The following DCAF5 variants were observed in gnomAD, a reference collection of about 807,000 sequenced individuals.
The protein encoded by DCAF5 is DDB1- and CUL4-associated factor 5.
A neutral mutation model predicts 80.7 loss-of-function variants in DCAF5; 9 were observed. The observed-to-expected ratio is 0.11, with a 90% CI of 0.07 to 0.19. The LOEUF (loss-of-function observed/expected upper bound fraction) is 0.19. Ranked by LOEUF, DCAF5 falls within the 10% of genes least tolerant of loss-of-function variation. The pLI is 1.00. For synonymous variants in DCAF5, 433 were observed against 461.9 expected (o/e 0.94, Z 0.80); for missense variants, 842 against 1,205.7 (o/e 0.70, Z 4.47).
intron 2 of DCAF5, among the ~76,000 whole-genome samples, 200 bp from the exon 3 acceptor site, chr14:69,119,430 T>C (rs1267862491): frequency 1.3e-5 from 2 of 151,524 alleles, no homozygotes; most frequent in Non-Finnish European, 2.9e-5. Flanking sequence ...TTTTAAAAAA[T>C]AATGGCATCC....
intron 5 of DCAF5, among the ~76,000 whole-genome samples, chr14:69,108,832 A>G (rs1274145662): frequency 6.6e-6 from 1 of 152,132 alleles, no homozygotes; most frequent in Non-Finnish European, 1.5e-5. Context: ...TGACGAGCAA[A>G]ATCCCAGTTA....
In DCAF5 at chr14:69,053,208, T is replaced by A. The variant is rs896599938; in HGVS notation, c.*649A>T. The A allele has an allele frequency of 2.0e-5, 3 of 152,262 alleles. No homozygotes were observed. Among genetic ancestry groups the A allele is most frequent in the Non-Finnish European group, 4.4e-5 (3 of 68,042 alleles). The allele number at this position is 152,262 out of a possible 1,614,324, so 9.4% of individuals were successfully genotyped here. A position where few individuals can be genotyped will look rare whatever the true frequency, so the allele number is the denominator to read the frequency against. On this transcript the variant is annotated 3_prime_UTR_variant, in exon 9 of 9. Transcript: ENST00000341516. The stretch of plus-strand genomic sequence containing the variant: ...ACCTCTCATTAGCATTAAAAATTCT[T>A]TTTTATAGTATGTCCACATTAAATG...
chr14:69,146,567 C>T (rs1158992093), intron 1 of DCAF5, among the ~76,000 whole-genome samples: 1 of 151,644 alleles, frequency 6.6e-6, no homozygotes, highest in African/African-American at 2.4e-5. Flanking sequence ...TATAGCAAAC[C>T]AGAGGAAAAA....
chr14:69,115,461 A>G (rs527671094), intron 5 of DCAF5, among the ~76,000 whole-genome samples: 28 of 152,226 alleles, frequency 1.8e-4, no homozygotes, highest in South Asian at 8.3e-4. Context: ...CGTGAAATAA[A>G]TTATAACATC....
chr14:69,099,035 G>A (rs988318958), intron 5 of DCAF5, among the ~76,000 whole-genome samples: 4 of 151,758 alleles, frequency 2.6e-5, no homozygotes, highest in Admixed American at 1.3e-4. Flanking sequence ...GGCAGATCAC[G>A]AGGTCAAGAG....
intron 5 of DCAF5, among the ~76,000 whole-genome samples, chr14:69,113,885 T>C (rs572836123): frequency 2.6e-5 from 4 of 152,250 alleles, no homozygotes; most frequent in South Asian, 4.1e-4. Context: ...AACATCCTAG[T>C]CCCCATGGCA....
chr14:69,134,844 G>C (rs905067117), intron 1 of DCAF5, among the ~76,000 whole-genome samples: 4 of 152,038 alleles, frequency 2.6e-5, no homozygotes, highest in Non-Finnish European at 5.9e-5. Context: ...TAAATAAGCT[G>C]GTTTAACCAT....
At position 69,152,138 on chromosome 14, in the gene DCAF5, G is replaced by C. The variant is rs2041726211; in HGVS notation, c.214+627C>G. Among the ~76,000 whole-genome samples the C allele has an allele frequency of 6.6e-6, 1 of 152,206 alleles. No homozygotes were observed. Among genetic ancestry groups the C allele is most frequent in the Non-Finnish European group, 1.5e-5 (1 of 68,042 alleles). ...TGTATTAAAAACAAGACGCAGAAGA[G>C]GCCACAACCGAACGAAAGGCGATGG... On this transcript the variant is annotated intron_variant, in intron 1 of 8. Coordinates refer to ENST00000341516, the MANE Select transcript of DCAF5 (RefSeq NM_003861.3). The surrounding 1 kb of genome is among the most constrained non-coding windows in gnomAD (Gnocchi z 4.1).
chr14:69,151,694 G>A (rs1225559595), intron 1 of DCAF5, among the ~76,000 whole-genome samples: 1 of 152,140 alleles, frequency 6.6e-6, no homozygotes, highest in Non-Finnish European at 1.5e-5. Context: ...CCCCAGGGAG[G>A]AGGGGACGAC....
chr14:69,107,439 A>T lies in DCAF5; in HGVS notation c.665+8927T>A, dbSNP rs573563732. ...GGCAGAATCAAAGGTCCCACCCCAAACCAACAACTCAATCTCTAGGTATGG... is the reference window on the plus strand; with the variant it reads ...GGCAGAATCAAAGGTCCCACCCCAATCCAACAACTCAATCTCTAGGTATGG... On this transcript the variant is annotated intron_variant, in intron 5 of 8. Coordinates refer to ENST00000341516, the MANE Select transcript of DCAF5 (RefSeq NM_003861.3). Among the ~76,000 whole-genome samples, 211 of 152,218 alleles carry T rather than the reference A, an allele frequency of 1.4e-3. 5 individuals are homozygous for T. In the South Asian group the frequency reaches 0.027, roughly 20 times the overall value.
At chr14:69,131,246 G>GTTTTC (rs1012267335) in intron 1 of DCAF5, among the ~76,000 whole-genome samples, 10 of 152,056 alleles carry the variant, frequency 6.6e-5, no homozygotes, top group African/African-American at 2.2e-4. Context: ...TTGCTAAAGT[G>GTTTTC]TTTTCTTTTC....
chr14:69,076,970 T>A (rs907079532), intron 6 of DCAF5, among the ~76,000 whole-genome samples: 5 of 152,212 alleles, frequency 3.3e-5, no homozygotes, highest in African/African-American at 1.2e-4. Flanking sequence ...TGGTCTCTTA[T>A]GTGGCAGCTC....
At chr14:69,079,788 T>C (rs1449004293) in intron 6 of DCAF5, among the ~76,000 whole-genome samples, 1 of 152,076 alleles carries the variant, frequency 6.6e-6, no homozygotes, top group Non-Finnish European at 1.5e-5. Flanking sequence ...GAGGAAAATA[T>C]TACAGACATA....
At chr14:69,119,114 A>G (rs1459627430) in intron 3 of DCAF5, 80 bp downstream of exon 3, 4 of 1,429,494 alleles carry the variant, frequency 2.8e-6, no homozygotes, top group Non-Finnish European at 3.8e-6. Flanking sequence ...AACAAAAACT[A>G]TTTTAGTCTA....
At chr14:69,104,685 A>G (rs1177199848) in intron 5 of DCAF5, among the ~76,000 whole-genome samples, 1 of 152,034 alleles carries the variant, frequency 6.6e-6, no homozygotes, top group Non-Finnish European at 1.5e-5. Flanking sequence ...GTGAAACCCC[A>G]TCTCTACTAA....
chr14:69,071,042 CCCCCCT>C (rs1297162506), intron 7 of DCAF5, among the ~76,000 whole-genome samples: 12 of 152,266 alleles, frequency 7.9e-5, no homozygotes, highest in Admixed American at 1.3e-4. Flanking sequence ...AAGTGATCTG[CCCCCCT>C]CAGCCTCCCA....
In DCAF5 at chr14:69,054,884, G is replaced by A. The variant is rs138177045; in HGVS notation, c.1802C>T (p.Ala601Val). ...GTAAGTGTTGGTGGGCTTGATTGGG[G>A]CACTGGGCTTGTCTTCTCGGGTTGT... ...QKTTREDKPS[A>V]PIKPTNTYIG... The change falls in exon 9 of 9, where the codon GCC becomes GTC. Residue 601 changes from alanine to valine, a missense_variant. Transcript: ENST00000341516. 652 of 1,614,174 alleles carry A rather than the reference G, an allele frequency of 4.0e-4. 4 individuals are homozygous for A. The Middle Eastern group carries it at 4.6e-3, about 11-fold the overall frequency.
intron 8 of DCAF5, among the ~76,000 whole-genome samples, chr14:69,060,476 A>T (rs1457905413): frequency 2.6e-5 from 4 of 152,226 alleles, no homozygotes; most frequent in African/African-American, 9.6e-5. Context: ...GCAAAGCCTA[A>T]ATCAAGGAAG....
rs370349093 is a variant in DCAF5 at position 69,054,188 on chromosome 14, T to C, written c.2498A>G (p.Asn833Ser). ...RSLETICANH[N>S]NGRLHPRPPH... ...GGGACGAGGGTGTAAGCGTCCATTG[T>C]TGTGGTTGGCACAGATGGTTTCGAG... is the stretch of plus-strand genomic sequence containing the variant. The change falls in exon 9 of 9, where the codon AAC (asparagine) becomes AGC (serine). Residue 833 changes from asparagine to serine, a missense_variant. This residue lies in a region of DCAF5 where 607 missense variants were observed against 656.6 expected (regional missense o/e 0.92). Coordinates refer to ENST00000341516, the MANE Select transcript of DCAF5 (RefSeq NM_003861.3). 3 of 1,614,118 alleles carry C rather than the reference T, an allele frequency of 1.9e-6. No individual in the cohort carries two copies. The highest frequency in any genetic ancestry group is 2.7e-5 in the African/African-American group (2 of 74,944).
Sources: allele counts gnomAD v4.1 joint callset (sites outside exome capture counted in the v4.1 genomes callset), GRCh38; gene constraint gnomAD v4.1.1; regional missense constraint gnomAD v4.1.1; non-coding constraint Gnocchi (gnomAD v3.1); transcripts MANE v1.5; gene names NCBI Gene and HGNC (gene_info 2026-07-23, HGNC 2026-07-21).